FAM204A: variants seen among roughly 807,000 people sequenced by gnomAD.
FAM204A encodes protein FAM204A.
Under a neutral mutation model 35.4 loss-of-function variants are expected in FAM204A, and 16 were observed. The observed-to-expected ratio is 0.45, with a 90% confidence interval of 0.31 to 0.69. FAM204A has a LOEUF of 0.69. Among genes scored for constraint, FAM204A ranks in the 30% least tolerant of loss-of-function variants. FAM204A has a pLI of 0.07. For synonymous variants in FAM204A, 76 were observed against 86.9 expected (o/e 0.88, Z 0.70); for missense variants, 240 against 265.7 (o/e 0.90, Z 0.67).
intron 7 of FAM204A, among the ~76,000 whole-genome samples, chr10:118,320,795 T>C (rs1219681405): frequency 2.0e-5 from 3 of 151,950 alleles, no homozygotes; most frequent in Non-Finnish European, 4.4e-5. Context: ...AATGCCATCA[T>C]TAATTTAAGG....
At position 118,306,318 on chromosome 10, in the gene FAM204A, T is replaced by C. The variant is rs1845864906; in HGVS notation, c.*4539A>G. The C allele has an allele frequency of 6.6e-6, 1 of 152,250 alleles. No individual in the cohort carries two copies. The highest frequency in any genetic ancestry group is 1.5e-5 in the Non-Finnish European group (1 of 68,054). 9.4% of individuals were successfully genotyped at this position (152,250 alleles called of 1,614,324 possible). A position where few individuals can be genotyped will look rare whatever the true frequency, so the allele number is the denominator to read the frequency against. On this transcript the variant is annotated 3_prime_UTR_variant, in exon 9 of 9. Transcript: ENST00000369183. ...GAGCACTTAGGAGCCGAGGTTTCTC[T>C]TGGGCACTACCCTCCCTTCCCCTTT...
At chr10:118,334,247 C>T (rs1034549227) in intron 6 of FAM204A, among the ~76,000 whole-genome samples, 22 of 152,116 alleles carry the variant, frequency 1.4e-4, no homozygotes, top group Admixed American at 2.0e-4. Flanking sequence ...CAATCCTTTC[C>T]CTTCCCCAAA....
intron 7 of FAM204A, 116 bp from the exon 8 acceptor site, chr10:118,311,429 G>T: frequency 1.3e-6 from 1 of 782,024 alleles, no homozygotes; most frequent in Non-Finnish European, 2.0e-6. Flanking sequence ...CTAGAAATTA[G>T]AAATTCTATG....
rs1670333623 is a variant in FAM204A, at chr10:118,303,177, T to C, written c.*7680A>G. 1 of 152,220 alleles carries C rather than the reference T, an allele frequency of 6.6e-6. No individual in the cohort carries two copies. The highest frequency in any genetic ancestry group is 1.5e-5 in the Non-Finnish European group (1 of 68,044). 9.4% of individuals were successfully genotyped at this position (152,220 alleles called of 1,614,324 possible). ...ATCTAAAAAACAAGTATAATGTGTCTTTGGCTTTCTTAGAGGAATAGTGCA... is the reference window on the plus strand; with the variant it reads ...ATCTAAAAAACAAGTATAATGTGTCCTTGGCTTTCTTAGAGGAATAGTGCA... On this transcript the variant is annotated 3_prime_UTR_variant, in exon 9 of 9. Coordinates refer to ENST00000369183, the MANE Select transcript of FAM204A (RefSeq NM_022063.3).
rs1450741405 is a variant in FAM204A, at chr10:118,307,337, A to G, written c.*3520T>C. 2 of 152,250 alleles carry G rather than the reference A, an allele frequency of 1.3e-5. No homozygotes were observed. Among genetic ancestry groups the G allele is most frequent in the Non-Finnish European group, 2.9e-5 (2 of 68,052 alleles). The allele number at this position is 152,250 out of a possible 1,614,324, so 9.4% of individuals were successfully genotyped here. A position where few individuals can be genotyped will look rare whatever the true frequency, so the allele number is the denominator to read the frequency against. On this transcript the variant is annotated 3_prime_UTR_variant, in exon 9 of 9. Coordinates refer to ENST00000369183, the MANE Select transcript of FAM204A (RefSeq NM_022063.3). ...TCATGAAAGTCAGAGCTAAGACTTT[A>G]GTAGAGTGTAAATTTTAAGCCAATG...
At chr10:118,329,487 A>G (rs1283377370) in intron 6 of FAM204A, among the ~76,000 whole-genome samples, 1 of 152,104 alleles carries the variant, frequency 6.6e-6, no homozygotes, top group Non-Finnish European at 1.5e-5. Flanking sequence ...TTTGAAAAAT[A>G]TTAATCATCC....
chr10:118,315,661 T>C (rs931759735), intron 7 of FAM204A, among the ~76,000 whole-genome samples: 1 of 152,140 alleles, frequency 6.6e-6, no homozygotes, highest in Non-Finnish European at 1.5e-5. Context: ...CAATTCTTGA[T>C]TGTCTTTACT....
chr10:118,332,703 T>C (rs531499830), intron 6 of FAM204A, among the ~76,000 whole-genome samples: 1 of 152,240 alleles, frequency 6.6e-6, no homozygotes, highest in African/African-American at 2.4e-5. Flanking sequence ...AGCTACACTA[T>C]ACAATAGCAG....
intron 6 of FAM204A, among the ~76,000 whole-genome samples, chr10:118,330,910 C>T (rs1846278019): frequency 1.3e-5 from 2 of 152,122 alleles, no homozygotes; most frequent in Admixed American, 1.3e-4. Context: ...CTTACACATG[C>T]AATAAAATGA....
At chr10:118,318,363 G>A (rs902705877) in intron 7 of FAM204A, among the ~76,000 whole-genome samples, 4 of 151,772 alleles carry the variant, frequency 2.6e-5, no homozygotes, top group African/African-American at 7.3e-5. Context: ...CATTATATTC[G>A]TCATACACAT....
intron 2 of FAM204A, among the ~76,000 whole-genome samples, chr10:118,341,017 T>C (rs1367033021): frequency 1.3e-5 from 2 of 152,150 alleles, no homozygotes; most frequent in Non-Finnish European, 2.9e-5. Context: ...TTAAATTTGG[T>C]TAAGAATTTT....
intron 7 of FAM204A, among the ~76,000 whole-genome samples, chr10:118,313,895 TG>T (rs1845990875): frequency 6.6e-6 from 1 of 152,166 alleles, no homozygotes; most frequent in Admixed American, 6.5e-5. Context: ...ATGGCTGTCC[TG>T]GTTAGGACAG....
At chr10:118,324,123 T>C (rs1203023611) in intron 7 of FAM204A, among the ~76,000 whole-genome samples, 1 of 152,086 alleles carries the variant, frequency 6.6e-6, no homozygotes, top group African/African-American at 2.4e-5. Flanking sequence ...CCAAAATAGA[T>C]TAATAAAATG....
intron 2 of FAM204A, among the ~76,000 whole-genome samples, chr10:118,336,680 T>G (rs1846394389): frequency 6.6e-6 from 1 of 152,168 alleles, no homozygotes; most frequent in South Asian, 2.1e-4. Context: ...CACCTACAGG[T>G]AAAGAAAATA....
intron 7 of FAM204A, 106 bp from the exon 8 acceptor site, chr10:118,311,419 C>A: frequency 1.2e-6 from 1 of 865,964 alleles, no homozygotes; most frequent in South Asian, 1.8e-5. Context: ...AAAGCCATGT[C>A]TAGAAATTAG....
intron 7 of FAM204A, among the ~76,000 whole-genome samples, chr10:118,324,828 T>C (rs1216815651): frequency 6.6e-6 from 1 of 152,156 alleles, no homozygotes; most frequent in African/African-American, 2.4e-5. Context: ...ATTAAGACAG[T>C]AAATTTTATG....
chr10:118,310,699 TAAAG>T lies in FAM204A; in HGVS notation c.*154_*157del, dbSNP rs1845939450. On this transcript the variant is annotated 3_prime_UTR_variant, in exon 9 of 9. Coordinates refer to ENST00000369183, the MANE Select transcript of FAM204A (RefSeq NM_022063.3). ...ATTCACTTCAATAGGACAAAGTCCT[TAAAG>T]AAAGACTGAAAAGAGCTGATAATCA... 4 of 643,922 alleles carry T rather than the reference TAAAG, an allele frequency of 6.2e-6. No individual in the cohort carries two copies. The highest frequency in any genetic ancestry group is 3.3e-5 in the Admixed American group (1 of 30,226). 39.9% of individuals were successfully genotyped at this position (643,922 alleles called of 1,614,324 possible).
chr10:118,309,767 A>G lies in FAM204A; in HGVS notation c.*1090T>C, dbSNP rs1425329572. 1 of 152,182 alleles carries G rather than the reference A, an allele frequency of 6.6e-6. No homozygotes were observed. The highest frequency in any genetic ancestry group is 1.5e-5 in the Non-Finnish European group (1 of 68,038). 9.4% of individuals were successfully genotyped at this position (152,182 alleles called of 1,614,324 possible). A position where few individuals can be genotyped will look rare whatever the true frequency, so the allele number is the denominator to read the frequency against. On this transcript the variant is annotated 3_prime_UTR_variant, in exon 9 of 9. Transcript: ENST00000369183. ...ATCAGTTCTTAGAAGGTTCAAAGTTATATTATCTTGAGTTATAATTGTCTG... is the reference window on the plus strand; with the variant it reads ...ATCAGTTCTTAGAAGGTTCAAAGTTGTATTATCTTGAGTTATAATTGTCTG...
intron 2 of FAM204A, among the ~76,000 whole-genome samples, chr10:118,337,799 T>C (rs1218751827): frequency 6.6e-6 from 1 of 152,202 alleles, no homozygotes; most frequent in African/African-American, 2.4e-5. Context: ...CAACACAGTG[T>C]TTAGGAGGTC....
Sources: allele counts gnomAD v4.1 joint callset (sites outside exome capture counted in the v4.1 genomes callset), GRCh38; gene constraint gnomAD v4.1.1; transcripts MANE v1.5; gene names NCBI Gene and HGNC (gene_info 2026-07-23, HGNC 2026-07-21).